The following FGF13 variants were observed in gnomAD, a reference collection of about 807,000 sequenced individuals.
FGF13 encodes the protein fibroblast growth factor homologous factor 2.
A neutral mutation model predicts 19.5 loss-of-function variants in FGF13; 2 were observed. The observed-to-expected ratio is 0.10, with a 90% CI of 0.04 to 0.32. FGF13 has a LOEUF of 0.32. Ranked by LOEUF, FGF13 falls within the 10% of genes least tolerant of loss-of-function variation. The pLI, the probability that FGF13 is intolerant of heterozygous loss-of-function variation, is 1.00. For synonymous variants in FGF13, 72 were observed against 76.9 expected (o/e 0.94, Z 0.33); for missense variants, 113 against 192.7 (o/e 0.59, Z 2.45).
At chrX:138,734,837 GCAC>G (rs2090260608) in intron 1 of FGF13, among the ~76,000 whole-genome samples, 1 of 111,698 alleles carries the variant, frequency 9.0e-6, no homozygotes, top group African/African-American at 3.3e-5. Flanking sequence ...TTTCATCTTG[GCAC>G]CTTCCTTGGT....
rs143129264 is a variant in FGF13, at chrX:138,935,846, G to A, written c.-112-71196C>T. ...ATAGTTGGGTCTTTTCAAGAATGTC[G>A]TAAAAATGTGAAAATGGAATCTATG... On this transcript the variant is annotated intron_variant, in intron 1 of 2. Transcript: ENST00000421460. 3.1e-3 allele frequency among the ~76,000 whole-genome samples: 351 copies of A among 111,985 alleles called. 1 individual carries two copies. Among genetic ancestry groups the A allele is most frequent in the African/African-American group, 0.011 (324 of 30,830 alleles).
rs185608752 is a variant in FGF13 at position 139,153,247 on chromosome X, C to T, written c.-113+50169G>A. Among the ~76,000 whole-genome samples, 26 of 110,684 alleles carry T rather than the reference C, an allele frequency of 2.3e-4. 1 individual carries two copies. The highest frequency in any genetic ancestry group is 1.8e-3 in the Admixed American group (19 of 10,400). Reference sequence around the variant, plus strand: ...CTATTGGCAGGTCCAACCTGGCTTCCGCTTTCCCAGCTATTTCTGGTTTTA... The same window carrying T: ...CTATTGGCAGGTCCAACCTGGCTTCTGCTTTCCCAGCTATTTCTGGTTTTA... On this transcript the variant is annotated intron_variant, in intron 1 of 2. Coordinates refer to the FGF13 transcript ENST00000421460.
intron 3 of FGF13, among the ~76,000 whole-genome samples, chrX:138,761,562 C>T (rs900399278): frequency 4.5e-5 from 5 of 111,473 alleles, no homozygotes; most frequent in African/African-American, 1.6e-4. Context: ...CAATACTGCA[C>T]TTCCTCATGA....
intron 3 of FGF13, among the ~76,000 whole-genome samples, chrX:138,647,789 GAATA>G (rs1470786178): frequency 8.9e-6 from 1 of 111,856 alleles, no homozygotes; most frequent in African/African-American, 3.3e-5. Context: ...TAAACCATGA[GAATA>G]TATAAAAATG....
intron 1 of FGF13, among the ~76,000 whole-genome samples, chrX:139,164,336 G>A (rs1386413921): frequency 9.0e-6 from 1 of 110,728 alleles, no homozygotes; most frequent in Admixed American, 9.7e-5. Flanking sequence ...TGAGGGCCAT[G>A]TACATTATGG....
intron 1 of FGF13, among the ~76,000 whole-genome samples, chrX:138,950,189 A>G (rs2091803541): frequency 8.9e-6 from 1 of 111,849 alleles, no homozygotes; most frequent in African/African-American, 3.3e-5. Flanking sequence ...TGAGCTGCAA[A>G]ATGACCTCAC....
intron 1 of FGF13, among the ~76,000 whole-genome samples, chrX:138,909,204 C>T (rs996824483): frequency 1.8e-5 from 2 of 111,585 alleles, no homozygotes; most frequent in East Asian, 2.8e-4. Flanking sequence ...TCCTGTTTCC[C>T]GGGGATGGAG....
At chrX:138,948,065 T>C (rs1336441013) in intron 1 of FGF13, among the ~76,000 whole-genome samples, 1 of 111,402 alleles carries the variant, frequency 9.0e-6, no homozygotes, top group Non-Finnish European at 1.9e-5. Flanking sequence ...AGGTAATATA[T>C]TTCTGTTGTT....
intron 1 of FGF13, among the ~76,000 whole-genome samples, chrX:139,142,993 A>C (rs1339749770): frequency 1.8e-5 from 2 of 112,232 alleles, no homozygotes; most frequent in Non-Finnish European, 3.8e-5. Flanking sequence ...CTTTTTAATG[A>C]AAAGACTCAG....
At chrX:139,014,858 GATCATTC>G (rs1321620699) in intron 1 of FGF13, among the ~76,000 whole-genome samples, 1 of 111,102 alleles carries the variant, frequency 9.0e-6, no homozygotes, top group African/African-American at 3.3e-5. Context: ...ATATTAAAAA[GATCATTC>G]ATCATGACCA....
At chrX:138,803,509 T>C (rs1012928394) in intron 3 of FGF13, among the ~76,000 whole-genome samples, 1 of 111,897 alleles carries the variant, frequency 8.9e-6, no homozygotes, top group East Asian at 2.8e-4. Context: ...CACAATTTAT[T>C]TTCCTGGGTG....
chrX:139,055,302 T>C lies in FGF13; in HGVS notation c.-113+148114A>G, dbSNP rs1305059669. 2.4e-4 allele frequency among the ~76,000 whole-genome samples: 27 copies of C among 112,085 alleles called. No homozygotes were observed. In the Admixed American group the frequency reaches 2.6e-3, roughly 11 times the overall value. On this transcript the variant is annotated intron_variant, in intron 1 of 2. Transcript: ENST00000421460. ...TTCAACTTTTCCCCATTCAGTATTATGTTGTAGTCATTGCTTTGATTGTAC... is the reference window on the plus strand; with the variant it reads ...TTCAACTTTTCCCCATTCAGTATTACGTTGTAGTCATTGCTTTGATTGTAC...
chrX:138,696,482 G>A (rs969979090), intron 3 of FGF13, among the ~76,000 whole-genome samples: 1 of 111,775 alleles, frequency 8.9e-6, no homozygotes, highest in Non-Finnish European at 1.9e-5. Context: ...ATAAATTTAA[G>A]ATCTGTGAAC....
At chrX:138,681,131 G>A (rs2089724144) in intron 3 of FGF13, among the ~76,000 whole-genome samples, 1 of 99,765 alleles carries the variant, frequency 1.0e-5, no homozygotes, top group Non-Finnish European at 2.0e-5. Flanking sequence ...CCAATATTAT[G>A]CCACTGCACT....
intron 1 of FGF13, among the ~76,000 whole-genome samples, chrX:138,960,295 G>A (rs968236871): frequency 9.0e-6 from 1 of 111,619 alleles, no homozygotes; most frequent in African/African-American, 3.3e-5. Context: ...TAGTTTGGCT[G>A]GATATGAAAT....
intron 1 of FGF13, among the ~76,000 whole-genome samples, chrX:138,910,625 T>C (rs772277589): frequency 8.9e-6 from 1 of 112,360 alleles, no homozygotes; most frequent in East Asian, 2.8e-4. Flanking sequence ...AGACAGAGTA[T>C]GCTATAAAAC....
At chrX:139,154,496 G>A (rs965210459) in intron 1 of FGF13, among the ~76,000 whole-genome samples, 1 of 111,581 alleles carries the variant, frequency 9.0e-6, no homozygotes, top group East Asian at 2.8e-4. Context: ...TATGAACAAG[G>A]GCTCTTCAGC....
chrX:138,635,125 A>T (rs1303990364), intron 4 of FGF13, among the ~76,000 whole-genome samples: 1 of 112,329 alleles, frequency 8.9e-6, no homozygotes, highest in Non-Finnish European at 1.9e-5. Context: ...CCATTATTCG[A>T]AGTGAGGTAA....
At chrX:138,987,103 T>C (rs755687014) in intron 1 of FGF13, among the ~76,000 whole-genome samples, 2 of 112,424 alleles carry the variant, frequency 1.8e-5, no homozygotes, top group Non-Finnish European at 3.8e-5. Flanking sequence ...CTCTACATAC[T>C]GAAGAACTGG....
Sources: gnomAD v4.1 joint callset for allele counts (sites outside exome capture counted in the v4.1 genomes callset) on GRCh38, gnomAD v4.1.1 for gene constraint, MANE v1.5 for transcripts, NCBI Gene and HGNC (gene_info 2026-07-23, HGNC 2026-07-21) for gene names.